The following EPHA5 variants were observed in gnomAD, a reference collection of about 807,000 sequenced individuals.
EPHA5 encodes the protein EPH receptor A5.
A neutral mutation model predicts 105.0 loss-of-function variants in EPHA5; 60 were observed. The observed-to-expected ratio is 0.57, with a 90% CI of 0.46 to 0.71. The LOEUF (loss-of-function observed/expected upper bound fraction) is 0.71, where lower values mean the gene tolerates loss of function less well. Ranked by LOEUF, EPHA5 falls within the 30% of genes least tolerant of loss-of-function variation. The pLI is 0.00. For missense variants in EPHA5, 1,218 were observed against 1,274.7 expected, an observed-to-expected ratio of 0.96 and a Z score of 0.68; for synonymous variants, 513 against 449.1, an observed-to-expected ratio of 1.14 and a Z score of -1.80.
rs1010219243 is a variant in EPHA5, at chr4:65,670,257, A to C, written c.-515T>G. 8.5e-6 allele frequency: 2 copies of C among 234,016 alleles called. No individual in the cohort carries two copies. The highest frequency in any genetic ancestry group is 4.4e-5 in the African/African-American group (2 of 45,404). The allele number at this position is 234,016 out of a possible 1,614,324, so 14.5% of individuals were successfully genotyped here. Reference sequence around the variant, plus strand: ...GAAAATGTGGAGAATGAAAAACAGGAGAGCAGCGAGCAAAAGCAAAGATCC... The same window carrying C: ...GAAAATGTGGAGAATGAAAAACAGGCGAGCAGCGAGCAAAAGCAAAGATCC... On this transcript the variant is annotated 5_prime_UTR_variant, in exon 1 of 17. Coordinates refer to ENST00000613740, the MANE Select transcript of EPHA5 (RefSeq NM_001281766.3).
chr4:65,363,832 G>A (rs914496112), intron 11 of EPHA5, among the ~76,000 whole-genome samples: 3 of 151,438 alleles, frequency 2.0e-5, no homozygotes, highest in South Asian at 2.1e-4. Flanking sequence ...ATACAGCCAC[G>A]TTCAAATTCT....
chr4:65,429,614 T>C (rs1043400614), intron 5 of EPHA5, among the ~76,000 whole-genome samples: 1 of 152,066 alleles, frequency 6.6e-6, no homozygotes, highest in African/African-American at 2.4e-5. Flanking sequence ...CCTTTCTCAC[T>C]TCTCATTGGT....
Position 65,490,415 on chromosome 4 carries a change from C to T in EPHA5, c.1364G>A (p.Arg455Gln), listed in dbSNP as rs1349813115. 4.3e-6 allele frequency: 7 copies of T among 1,613,956 alleles called. No individual in the cohort carries two copies. The highest frequency in any genetic ancestry group is 3.3e-5 in the South Asian group (3 of 91,082). Residue 455 changes from arginine (R) to glutamine (Q), a missense_variant, in exon 5 of 17, where the codon CGG (arginine) becomes CAG (glutamine). This residue lies in a region of EPHA5 where 971 missense variants were observed against 1,013.5 expected (regional missense o/e 0.96). Transcript: ENST00000613740. ...NGVSDLSPGA[R>Q]QYVSVNVTTN... ...GGTTACATTTACAGACACATACTGC[C>T]GGGCTCCTGGGCTCAAGTCGGACAC... is the stretch of plus-strand genomic sequence containing the variant.
At chr4:65,450,051 C>T (rs4343773) in intron 5 of EPHA5, among the ~76,000 whole-genome samples, 10,205 of 152,094 alleles carry the variant, frequency 0.067, 1,162 homozygotes, top group African/African-American at 0.23. Context: ...CATAGATAAA[C>T]GTTTAAAGCA....
intron 3 of EPHA5, among the ~76,000 whole-genome samples, chr4:65,545,001 T>A (rs1037016204): frequency 1.3e-5 from 2 of 151,652 alleles, no homozygotes; most frequent in Admixed American, 1.3e-4. Context: ...GTGTTCCTTC[T>A]CTAAACTATG....
chr4:65,663,574 T>G (rs1191484183), intron 1 of EPHA5, among the ~76,000 whole-genome samples: 2 of 152,074 alleles, frequency 1.3e-5, no homozygotes, highest in African/African-American at 2.4e-5. Flanking sequence ...TTATTTTTCT[T>G]TGCACTAACA....
intron 3 of EPHA5, among the ~76,000 whole-genome samples, chr4:65,562,985 A>G (rs1465902822): frequency 6.6e-6 from 1 of 151,978 alleles, no homozygotes; most frequent in Non-Finnish European, 1.5e-5. Context: ...TCTTAAATAA[A>G]TAAATAAATA....
At chr4:65,645,243 C>G (rs1010480183) in intron 1 of EPHA5, among the ~76,000 whole-genome samples, 1 of 152,038 alleles carries the variant, frequency 6.6e-6, no homozygotes, top group South Asian at 2.1e-4. Context: ...GACACTAGGG[C>G]TGTGTCTAGA....
chr4:65,326,735 AC>A (rs1268256401), intron 16 of EPHA5, among the ~76,000 whole-genome samples: 3 of 151,438 alleles, frequency 2.0e-5, no homozygotes, highest in African/African-American at 7.2e-5. Context: ...TGTTTTATAA[AC>A]CCATAAGAAA....
intron 3 of EPHA5, among the ~76,000 whole-genome samples, chr4:65,556,517 G>T (rs548129074): frequency 6.6e-6 from 1 of 152,070 alleles, no homozygotes; most frequent in Admixed American, 6.6e-5. Context: ...ATTAAGTTAC[G>T]TTTCTATGAC....
intron 3 of EPHA5, among the ~76,000 whole-genome samples, chr4:65,555,591 A>ACACATTTTTGGCATTTTCAGCCT (rs1560691197): frequency 6.6e-6 from 1 of 150,728 alleles, no homozygotes; most frequent in African/African-American, 2.5e-5. Context: ...TTTTCTCCAA[A>ACACATTTTTGGCATTTTCAGCCT]GTTACTAGTT....
intron 5 of EPHA5, among the ~76,000 whole-genome samples, chr4:65,430,003 T>C (rs1218983733): frequency 6.6e-6 from 1 of 152,020 alleles, no homozygotes; most frequent in African/African-American, 2.4e-5. Flanking sequence ...TTGCAGCTGG[T>C]CAACCTTTTA....
intron 11 of EPHA5, among the ~76,000 whole-genome samples, chr4:65,353,352 A>C (rs1260425230): frequency 6.7e-6 from 1 of 148,642 alleles, no homozygotes; most frequent in Non-Finnish European, 1.5e-5. Flanking sequence ...ACATTTTTTA[A>C]AGTATTTTAA....
At chr4:65,442,883 C>T (rs983465985) in intron 5 of EPHA5, among the ~76,000 whole-genome samples, 1 of 152,054 alleles carries the variant, frequency 6.6e-6, no homozygotes, top group Non-Finnish European at 1.5e-5. Context: ...TGACTTGTGG[C>T]AGTCAGAGTC....
intron 2 of EPHA5, among the ~76,000 whole-genome samples, chr4:65,605,322 T>C (rs1303597675): frequency 6.6e-6 from 1 of 152,154 alleles, no homozygotes; most frequent in Non-Finnish European, 1.5e-5. Flanking sequence ...GCAGTTACAA[T>C]GTTTTTCTAC....
In EPHA5 at chr4:65,483,533, C is replaced by A. The variant is rs372248174; in HGVS notation, c.1402+6844G>T. On this transcript the variant is annotated intron_variant, in intron 5 of 16. Coordinates refer to ENST00000613740, the MANE Select transcript of EPHA5 (RefSeq NM_001281766.3). ...CCTCTCCAGCACCTGTTGTTAAATA[C>A]GTTAGGGAGGGAAGGAGGTGGGTGT... Among the ~76,000 whole-genome samples the A allele has an allele frequency of 1.4e-4, 21 of 152,104 alleles. 1 individual carries two copies. In the South Asian group the frequency reaches 4.2e-3, roughly 30 times the overall value.
At chr4:65,342,137 A>G (rs1721788336) in intron 14 of EPHA5, among the ~76,000 whole-genome samples, 1 of 145,884 alleles carries the variant, frequency 6.9e-6, no homozygotes, top group Non-Finnish European at 1.5e-5. Flanking sequence ...ATCCAAGATG[A>G]CTGGTTTAAG....
chr4:65,330,253 T>C (rs1324079619), intron 16 of EPHA5, among the ~76,000 whole-genome samples: 1 of 151,162 alleles, frequency 6.6e-6, no homozygotes, highest in Non-Finnish European at 1.5e-5. Context: ...AGAAGAATCA[T>C]TATGAGAAGA....
intron 3 of EPHA5, among the ~76,000 whole-genome samples, chr4:65,553,819 A>G (rs546486347): frequency 1.3e-5 from 2 of 152,070 alleles, no homozygotes; most frequent in Non-Finnish European, 2.9e-5. Flanking sequence ...GTTGCCTAAA[A>G]ATTTAAATAA....
Sources: allele counts gnomAD v4.1 joint callset (sites outside exome capture counted in the v4.1 genomes callset), GRCh38; gene constraint gnomAD v4.1.1; regional missense constraint gnomAD v4.1.1; transcripts MANE v1.5; gene names NCBI Gene and HGNC (gene_info 2026-07-23, HGNC 2026-07-21).